ADRA1B: variants seen among roughly 807,000 people sequenced by gnomAD.
The protein encoded by ADRA1B is adrenoceptor alpha 1B, also known as alpha-1B adrenergic receptor.
A neutral mutation model predicts 17.9 loss-of-function variants in ADRA1B; 17 were observed. The observed-to-expected ratio is 0.95, with a 90% confidence interval of 0.65 to 1.42. ADRA1B has a LOEUF of 1.42. Among genes scored for constraint, ADRA1B ranks in the 40% most tolerant of loss-of-function variants. ADRA1B has a pLI of 0.00. For synonymous variants in ADRA1B, 366 were observed against 327.6 expected, an observed-to-expected ratio of 1.12 and a Z score of -1.27; for missense variants, 681 against 722.1, an observed-to-expected ratio of 0.94 and a Z score of 0.65.
intron 1 of ADRA1B, among the ~76,000 whole-genome samples, chr5:159,899,240 GAGGA>G (rs1296220766): frequency 3.0e-4 from 32 of 105,520 alleles, no homozygotes; most frequent in African/African-American, 6.1e-4. Context: ...AGGAGGGAGG[GAGGA>G]AGGAAGGAAG....
chr5:159,972,126 C>G lies in ADRA1B; in HGVS notation c.1197C>G (p.Arg399=). The G allele has an allele frequency of 1.5e-6, 2 of 1,329,266 alleles. No homozygotes were observed. The highest frequency in any genetic ancestry group is 1.9e-6 in the Non-Finnish European group (2 of 1,029,840). The allele number at this position is 1,329,266 out of a possible 1,614,324, so 82.3% of individuals were successfully genotyped here. A position where few individuals can be genotyped will look rare whatever the true frequency, so the allele number is the denominator to read the frequency against. The stretch of plus-strand genomic sequence containing the variant: ...GGACGCGCGGCGGCTCGCTGGAGCG[C>G]TCGCAGTCGCGCAAGGACTCGCTGG... ...RPWTRGGSLE[R]SQSRKDSLDD... is the part of the protein sequence containing the mutation. The change falls in exon 2 of 2, where the codon CGC becomes CGG. Residue 399 remains arginine, a synonymous_variant. Coordinates refer to ENST00000306675, the MANE Select transcript of ADRA1B (RefSeq NM_000679.4).
intron 1 of ADRA1B, among the ~76,000 whole-genome samples, chr5:159,954,286 G>T (rs1755508406): frequency 6.6e-6 from 1 of 152,304 alleles, no homozygotes; most frequent in South Asian, 2.1e-4. Context: ...GTGCTGGTAT[G>T]GTCAGGTTCT....
At chr5:159,891,563 T>C (rs1179195296) in intron 1 of ADRA1B, among the ~76,000 whole-genome samples, 3 of 152,154 alleles carry the variant, frequency 2.0e-5, no homozygotes, top group Non-Finnish European at 4.4e-5. Flanking sequence ...CTTGAGTTAA[T>C]GTTCCCAAGC....
intron 1 of ADRA1B, among the ~76,000 whole-genome samples, chr5:159,873,177 G>A (rs1753767362): frequency 6.6e-6 from 1 of 152,102 alleles, no homozygotes; most frequent in Non-Finnish European, 1.5e-5. Context: ...GTCTATCATT[G>A]ATAGGCATTT....
chr5:159,904,143 G>T (rs1052190994), intron 1 of ADRA1B, among the ~76,000 whole-genome samples: 3 of 152,170 alleles, frequency 2.0e-5, no homozygotes, highest in Non-Finnish European at 4.4e-5. Flanking sequence ...AAAGCTGCTT[G>T]CATTTGTTTA....
intron 1 of ADRA1B, among the ~76,000 whole-genome samples, chr5:159,899,251 G>GAAGGAAGGAAGA (rs1193627923): frequency 7.6e-5 from 10 of 132,118 alleles, no homozygotes; most frequent in South Asian, 2.4e-4. Context: ...AGGAAGGAAG[G>GAAGGAAGGAAGA]AAGGAAGGAA....
chr5:159,916,373 G>GC (rs574235621), upstream of ADRA1B: 3,985 of 151,742 alleles, frequency 0.026, 80 homozygotes, highest in Non-Finnish European at 0.036. Context: ...TTCCCGGCTT[G>GC]CGGGGTGGCG....
chr5:159,967,444 T>G (rs1755795458), intron 1 of ADRA1B, among the ~76,000 whole-genome samples: 1 of 152,210 alleles, frequency 6.6e-6, no homozygotes, highest in South Asian at 2.1e-4. Flanking sequence ...AAAGTATATT[T>G]AGAAAATGGT....
chr5:159,983,001 T>C, the ADRA1B span, among the ~76,000 whole-genome samples: 1 of 152,368 alleles, frequency 6.6e-6, no homozygotes, highest in East Asian at 1.9e-4. Flanking sequence ...CTCAATCTGA[T>C]GTGGATGATG....
At chr5:159,951,351 T>G (rs1755433477) in intron 1 of ADRA1B, 1 of 1,139,598 alleles carries the variant, frequency 8.8e-7, no homozygotes, top group Non-Finnish European at 1.3e-6. Context: ...ATGGGTGGAA[T>G]CATACTCGAA....
intron 1 of ADRA1B, chr5:159,869,672 C>T (rs1461212732): frequency 6.6e-6 from 1 of 152,216 alleles, no homozygotes; most frequent in African/African-American, 2.4e-5. Flanking sequence ...CACTTCCTGA[C>T]TTTGGGGCTG....
intron 1 of ADRA1B, among the ~76,000 whole-genome samples, chr5:159,934,482 C>T (rs1356112166): frequency 6.6e-6 from 1 of 151,916 alleles, no homozygotes; most frequent in Non-Finnish European, 1.5e-5. Flanking sequence ...TTCAAGACTC[C>T]TGCTTGAGTT....
chr5:159,904,013 C>T (rs1195907385), intron 1 of ADRA1B, among the ~76,000 whole-genome samples: 1 of 152,112 alleles, frequency 6.6e-6, no homozygotes, highest in African/African-American at 2.4e-5. Context: ...TACTAGAAAG[C>T]ATTTGCCGAA....
upstream of ADRA1B, among the ~76,000 whole-genome samples, chr5:159,914,055 C>T (rs563993560): frequency 6.6e-5 from 10 of 152,286 alleles, no homozygotes; most frequent in South Asian, 1.7e-3. Flanking sequence ...TGATACCTCA[C>T]TCTCACCCCT....
intron 1 of ADRA1B, among the ~76,000 whole-genome samples, chr5:159,893,255 T>C (rs1269998643): frequency 5.4e-5 from 1 of 18,380 alleles, no homozygotes; most frequent in East Asian, 3.2e-4. Context: ...AATCCATTTC[T>C]GGTAACTCTC....
intron 1 of ADRA1B, chr5:159,870,900 A>G (rs936640982): frequency 3.3e-5 from 5 of 152,162 alleles, no homozygotes; most frequent in Non-Finnish European, 5.9e-5. Flanking sequence ...CCCAAAATCA[A>G]TTGTTGTTGC....
chr5:159,906,372 C>T (rs932180700), intron 1 of ADRA1B, among the ~76,000 whole-genome samples: 1 of 152,144 alleles, frequency 6.6e-6, no homozygotes, highest in African/African-American at 2.4e-5. Context: ...CTATATGAAA[C>T]ATTCAACCAT....
At chr5:159,950,704 A>C in intron 1 of ADRA1B, 2 of 700,954 alleles carry the variant, frequency 2.9e-6, no homozygotes, top group Non-Finnish European at 5.3e-6. Context: ...GGGACACTCC[A>C]ATGCTCACTT....
intron 1 of ADRA1B, among the ~76,000 whole-genome samples, chr5:159,970,102 G>A (rs1234603445): frequency 1.3e-5 from 2 of 152,090 alleles, no homozygotes; most frequent in East Asian, 3.9e-4. Flanking sequence ...AATGTTTTGG[G>A]ATCTCACATT....
Sources: gnomAD v4.1 joint callset for allele counts (sites outside exome capture counted in the v4.1 genomes callset) on GRCh38, gnomAD v4.1.1 for gene constraint, MANE v1.5 for transcripts, NCBI Gene and HGNC (gene_info 2026-07-23, HGNC 2026-07-21) for gene names.